MRPS27: variants seen among roughly 807,000 people sequenced by gnomAD.
The protein encoded by MRPS27 is small ribosomal subunit protein mS27.
MRPS27 carries 43 observed loss-of-function variants against 48.9 expected under a neutral mutation model. The observed-to-expected ratio is 0.88, with a 90% CI of 0.69 to 1.13. The LOEUF (loss-of-function observed/expected upper bound fraction) is 1.13, where lower values mean the gene tolerates loss of function less well. Ranked by LOEUF, MRPS27 falls within the 50% of genes most tolerant of loss-of-function variation. MRPS27 has a pLI of 0.00. For missense variants in MRPS27, 467 were observed against 476.3 expected, an observed-to-expected ratio of 0.98 and a Z score of 0.18; for synonymous variants, 188 against 171.9, an observed-to-expected ratio of 1.09 and a Z score of -0.73.
intron 10 of MRPS27, among the ~76,000 whole-genome samples, chr5:72,221,760 G>A (rs769512708): frequency 3.3e-5 from 5 of 152,224 alleles, no homozygotes; most frequent in Non-Finnish European, 5.9e-5. Flanking sequence ...TGCCTGCACC[G>A]TTAGAAGCGT....
At chr5:72,250,077 ATAGGTAATTTCCCATG>A (rs1748624563) in intron 4 of MRPS27, among the ~76,000 whole-genome samples, 1 of 152,262 alleles carries the variant, frequency 6.6e-6, no homozygotes, top group Admixed American at 6.5e-5. Context: ...TATAAGCATC[ATAGGTAATTTCCCATG>A]TATATAACAC....
At chr5:72,263,356 C>G (rs1391024725) in intron 4 of MRPS27, among the ~76,000 whole-genome samples, 2 of 151,736 alleles carry the variant, frequency 1.3e-5, no homozygotes, top group African/African-American at 4.8e-5. Context: ...TTTCATGACA[C>G]TGAATTTAGC....
intron 4 of MRPS27, among the ~76,000 whole-genome samples, chr5:72,256,554 C>G (rs1748812123): frequency 6.6e-6 from 1 of 152,194 alleles, no homozygotes; most frequent in Non-Finnish European, 1.5e-5. Context: ...ATTATATTAA[C>G]TGAGTCTTAA....
intron 4 of MRPS27, among the ~76,000 whole-genome samples, chr5:72,280,444 T>C (rs976670938): frequency 1.3e-5 from 2 of 152,164 alleles, no homozygotes; most frequent in South Asian, 4.1e-4. Flanking sequence ...ACTTTTTCCA[T>C]AAACAAGAAA....
intron 4 of MRPS27, among the ~76,000 whole-genome samples, chr5:72,284,418 T>A (rs1749614103): frequency 6.6e-6 from 1 of 150,574 alleles, no homozygotes; most frequent in South Asian, 2.1e-4. Flanking sequence ...AGTGAGACCC[T>A]GTCTTTAAAT....
chr5:72,269,996 C>T (rs1201739652), intron 4 of MRPS27, among the ~76,000 whole-genome samples: 1 of 151,968 alleles, frequency 6.6e-6, no homozygotes, highest in Admixed American at 6.6e-5. Context: ...AGTTTGAGAC[C>T]AGCCTGGCCA....
chr5:72,264,968 C>G (rs1449049049), intron 4 of MRPS27, among the ~76,000 whole-genome samples: 1 of 152,110 alleles, frequency 6.6e-6, no homozygotes, highest in African/African-American at 2.4e-5. Flanking sequence ...GCAACTAGAC[C>G]GTGAGGGGAG....
intron 9 of MRPS27, 104 bp from the exon 10 acceptor site, chr5:72,223,954 A>G: frequency 9.0e-7 from 1 of 1,116,412 alleles, no homozygotes; most frequent in African/African-American, 1.6e-5. Context: ...GAGCTCTAAA[A>G]GACTGTGAAA....
intron 4 of MRPS27, among the ~76,000 whole-genome samples, chr5:72,274,508 TA>T (rs1293465146): frequency 6.6e-6 from 1 of 152,236 alleles, no homozygotes; most frequent in African/African-American, 2.4e-5. Context: ...TCTCCTATGA[TA>T]ACAACGCCTT....
intron 4 of MRPS27, among the ~76,000 whole-genome samples, chr5:72,238,589 T>G (rs1383637557): frequency 6.6e-6 from 1 of 152,158 alleles, no homozygotes; most frequent in Non-Finnish European, 1.5e-5. Flanking sequence ...CCTGTGGCTC[T>G]TAGGAGAGAC....
At chr5:72,249,631 G>A (rs1748603690) in intron 4 of MRPS27, among the ~76,000 whole-genome samples, 1 of 151,996 alleles carries the variant, frequency 6.6e-6, no homozygotes, top group Admixed American at 6.6e-5. Flanking sequence ...GTTGCAGTGA[G>A]CCAAGATGGC....
chr5:72,249,607 C>T (rs901714585), intron 4 of MRPS27, among the ~76,000 whole-genome samples: 17 of 151,964 alleles, frequency 1.1e-4, no homozygotes, highest in Non-Finnish European at 2.1e-4. Flanking sequence ...ATCACTTGAA[C>T]CCGGGAGGCA....
intron 4 of MRPS27, among the ~76,000 whole-genome samples, chr5:72,239,869 G>A (rs1748304472): frequency 6.6e-6 from 1 of 152,044 alleles, no homozygotes; most frequent in Admixed American, 6.6e-5. Context: ...ACAGGATCTC[G>A]CTGTGTTGCC....
chr5:72,300,387 A>C (rs1750094931), intron 2 of MRPS27, among the ~76,000 whole-genome samples: 1 of 152,146 alleles, frequency 6.6e-6, no homozygotes, highest in African/African-American at 2.4e-5. Context: ...CCACGCCTTT[A>C]ACCATTACCT....
At chr5:72,270,960 A>G (rs1357094974) in intron 4 of MRPS27, among the ~76,000 whole-genome samples, 1 of 152,238 alleles carries the variant, frequency 6.6e-6, no homozygotes, top group African/African-American at 2.4e-5. Flanking sequence ...GAAAACTCTT[A>G]GAAAACCAGG....
chr5:72,273,415 C>T (rs907068001), intron 4 of MRPS27, among the ~76,000 whole-genome samples: 2 of 152,188 alleles, frequency 1.3e-5, no homozygotes, highest in Non-Finnish European at 2.9e-5. Context: ...CAACAGGATA[C>T]GTCCTCACTC....
chr5:72,230,706 G>T (rs565904336), intron 7 of MRPS27, among the ~76,000 whole-genome samples: 2 of 152,194 alleles, frequency 1.3e-5, no homozygotes, highest in East Asian at 3.9e-4. Context: ...GAAATCTCGT[G>T]ACTGTCTCAA....
In MRPS27 at chr5:72,307,501, G is replaced by A. The variant is rs567282739; in HGVS notation, c.151+6580C>T. ...TGGAGATCTGTATCAAAATATTTAC[G>A]GATGAAATGACTTACTGCCTGGGAT... On this transcript the variant is annotated intron_variant, in intron 2 of 10. Coordinates refer to ENST00000261413, the MANE Select transcript of MRPS27 (RefSeq NM_015084.3). Among the ~76,000 whole-genome samples, 4 of 152,168 alleles carry A rather than the reference G, an allele frequency of 2.6e-5. No homozygotes were observed. The South Asian group carries it at 8.3e-4, about 32-fold the overall frequency.
intron 2 of MRPS27, among the ~76,000 whole-genome samples, chr5:72,303,361 G>C (rs1476414671): frequency 6.6e-6 from 1 of 152,162 alleles, no homozygotes. Flanking sequence ...CAGGTGAAGT[G>C]AGAGTGAACT....
Sources: gnomAD v4.1 joint callset for allele counts (sites outside exome capture counted in the v4.1 genomes callset) on GRCh38, gnomAD v4.1.1 for gene constraint, MANE v1.5 for transcripts, NCBI Gene and HGNC (gene_info 2026-07-23, HGNC 2026-07-21) for gene names.